The following PPP1R9A variants were observed in gnomAD, a reference collection of about 807,000 sequenced individuals.
The protein encoded by PPP1R9A is protein phosphatase 1 regulatory subunit 9A.
A neutral mutation model predicts 141.9 loss-of-function variants in PPP1R9A; 59 were observed. The observed-to-expected ratio is 0.42, with a 90% CI of 0.34 to 0.52. The LOEUF is 0.52. Ranked by LOEUF, PPP1R9A falls within the 20% of genes least tolerant of loss-of-function variation. The pLI is 0.10. For missense variants in PPP1R9A, 1,444 were observed against 1,611.9 expected (o/e 0.90, Z 1.78); for synonymous variants, 500 against 569.7 (o/e 0.88, Z 1.74).
chr7:95,245,827 A>G (rs1798045742), intron 8 of PPP1R9A, among the ~76,000 whole-genome samples: 1 of 152,154 alleles, frequency 6.6e-6, no homozygotes. Context: ...ATTTCCACAT[A>G]GGGTCCTACT....
chr7:95,136,713 C>T (rs1243527401), intron 4 of PPP1R9A, among the ~76,000 whole-genome samples: 1 of 152,160 alleles, frequency 6.6e-6, no homozygotes, highest in Non-Finnish European at 1.5e-5. Flanking sequence ...GACATCCTAA[C>T]TTTTGTTCCA....
At chr7:95,159,217 T>C (rs1186367900) in intron 4 of PPP1R9A, among the ~76,000 whole-genome samples, 6 of 152,168 alleles carry the variant, frequency 3.9e-5, no homozygotes, top group African/African-American at 1.2e-4. Flanking sequence ...TAAAATAAAT[T>C]AGGTAGAATT....
intron 2 of PPP1R9A, among the ~76,000 whole-genome samples, chr7:94,989,476 CT>C (rs1801237874): frequency 6.6e-6 from 1 of 152,102 alleles, no homozygotes; most frequent in Admixed American, 6.6e-5. Context: ...ATTTACATTG[CT>C]CTCAGTTATC....
intron 2 of PPP1R9A, among the ~76,000 whole-genome samples, chr7:94,956,143 T>C (rs780225934): frequency 3.3e-5 from 5 of 152,144 alleles, no homozygotes; most frequent in Non-Finnish European, 5.9e-5. Flanking sequence ...TCTGTAGGCA[T>C]GTTTAATTTT....
At chr7:95,094,048 T>C (rs1434359901) in intron 2 of PPP1R9A, among the ~76,000 whole-genome samples, 2 of 152,190 alleles carry the variant, frequency 1.3e-5, no homozygotes, top group Non-Finnish European at 2.9e-5. Context: ...TAGTCACAGA[T>C]AAATACAATA....
At position 94,910,914 on chromosome 7, in the gene PPP1R9A, T is replaced by A. The variant is rs1468582920; in HGVS notation, c.801T>A (p.Asp267Glu). Residue 267 changes from aspartate to glutamate, a missense_variant, in exon 2 of 20, where the codon GAT becomes GAA. This residue lies in a region of PPP1R9A where 490 missense variants were observed against 521.1 expected (regional missense o/e 0.94). Transcript: ENST00000433360. The surrounding 1 kb of genome is among the most constrained non-coding windows in gnomAD (Gnocchi z 4.5). ...SWPPSNKRGVDTEDAHKSNAT... is the reference protein window; with the variant it reads ...SWPPSNKRGVETEDAHKSNAT... ...CTCCTTCAAACAAGCGAGGTGTTGA[T>A]ACAGAGGATGCTCACAAGAGTAATG... 6.2e-7 allele frequency: 1 copy of A among 1,614,112 alleles called. No homozygotes were observed.
At chr7:94,909,514 T>C (rs947569266) in intron 1 of PPP1R9A, among the ~76,000 whole-genome samples, 3 of 152,236 alleles carry the variant, frequency 2.0e-5, no homozygotes, top group African/African-American at 7.2e-5. Context: ...GTTGATTTTC[T>C]GGACAGTTTG....
chr7:95,025,003 C>T (rs1293379011), intron 2 of PPP1R9A, among the ~76,000 whole-genome samples: 1 of 152,006 alleles, frequency 6.6e-6, no homozygotes, highest in African/African-American at 2.4e-5. Context: ...CTTTGCTTGT[C>T]TGTGAAGGAT....
rs146217490 is a variant in PPP1R9A at position 95,019,023 on chromosome 7, A to T, written c.1396-92236A>T. ...GATATCCATCTGGAAAACAATTAAC[A>T]TTAACTCTTAACTTCATACCAGACA... is the stretch of plus-strand genomic sequence containing the variant. On this transcript the variant is annotated intron_variant, in intron 2 of 19. Coordinates refer to ENST00000433360, the MANE Select transcript of PPP1R9A (RefSeq NM_001166160.2). Among the ~76,000 whole-genome samples, 593 of 152,352 alleles carry T rather than the reference A, an allele frequency of 3.9e-3. 24 individuals carry two copies. Among genetic ancestry groups the T allele is most frequent in the East Asian group, 0.036 (186 of 5,192 alleles).
chr7:94,941,316 A>G (rs548530653), intron 2 of PPP1R9A, among the ~76,000 whole-genome samples: 39 of 152,112 alleles, frequency 2.6e-4, no homozygotes, highest in Admixed American at 5.9e-4. Context: ...TGTAAGTGGT[A>G]AGACAATTGC....
intron 5 of PPP1R9A, among the ~76,000 whole-genome samples, chr7:95,191,647 G>T (rs1835519982): frequency 6.6e-6 from 1 of 151,998 alleles, no homozygotes; most frequent in African/African-American, 2.4e-5. Context: ...CTTAATTGTA[G>T]ATTTTAGTTT....
At chr7:95,250,361 A>T in intron 10 of PPP1R9A, 106 bp downstream of exon 10, 1 of 987,918 alleles carries the variant, frequency 1.0e-6, no homozygotes, top group South Asian at 1.8e-5. Context: ...CCTTAGAGAT[A>T]TCTTTCCTAT....
intron 2 of PPP1R9A, among the ~76,000 whole-genome samples, chr7:95,007,205 T>C (rs1803743477): frequency 6.6e-6 from 1 of 152,152 alleles, no homozygotes; most frequent in African/African-American, 2.4e-5. Flanking sequence ...AGGTGCCTCA[T>C]TGGAGTACAG....
intron 2 of PPP1R9A, among the ~76,000 whole-genome samples, chr7:95,045,434 G>A (rs1809864165): frequency 6.6e-6 from 1 of 152,162 alleles, no homozygotes; most frequent in Non-Finnish European, 1.5e-5. Flanking sequence ...GCAGTGGCCT[G>A]CTAACCCTTG....
intron 2 of PPP1R9A, among the ~76,000 whole-genome samples, chr7:95,083,306 ATTC>A (rs1816179154): frequency 6.6e-6 from 1 of 151,834 alleles, no homozygotes; most frequent in South Asian, 2.1e-4. Context: ...GTTTTTTCAG[ATTC>A]TTCTTCTTGT....
At chr7:95,049,382 A>G (rs1294568642) in intron 2 of PPP1R9A, among the ~76,000 whole-genome samples, 1 of 152,146 alleles carries the variant, frequency 6.6e-6, no homozygotes, top group Non-Finnish European at 1.5e-5. Context: ...AATAGGCTTT[A>G]CTTTTTAGAG....
intron 2 of PPP1R9A, among the ~76,000 whole-genome samples, chr7:94,973,767 G>A (rs1330897748): frequency 6.8e-6 from 1 of 147,014 alleles, no homozygotes; most frequent in African/African-American, 2.5e-5. Flanking sequence ...TGCCCAGGCT[G>A]GAGTGCAGTG....
chr7:95,198,138 C>T (rs529943324), intron 5 of PPP1R9A, among the ~76,000 whole-genome samples: 1 of 152,186 alleles, frequency 6.6e-6, no homozygotes, highest in South Asian at 2.1e-4. Flanking sequence ...TTTTTTCCCC[C>T]TTCTTTTCCT....
intron 2 of PPP1R9A, among the ~76,000 whole-genome samples, chr7:94,932,331 A>T (rs1794257469): frequency 6.6e-6 from 1 of 152,214 alleles, no homozygotes; most frequent in Non-Finnish European, 1.5e-5. Flanking sequence ...TGAATTCTCT[A>T]AAAAATAAGT....
Sources: gnomAD v4.1 joint callset for allele counts (sites outside exome capture counted in the v4.1 genomes callset) on GRCh38, gnomAD v4.1.1 for gene constraint, gnomAD v4.1.1 regional missense constraint, Gnocchi (gnomAD v3.1) non-coding constraint, MANE v1.5 for transcripts, NCBI Gene and HGNC (gene_info 2026-07-23, HGNC 2026-07-21) for gene names.